HS3ST2: variants seen among roughly 807,000 people sequenced by gnomAD.
HS3ST2 encodes the protein heparan sulfate glucosamine 3-O-sulfotransferase 2.
Under a neutral mutation model 26.3 loss-of-function variants are expected in HS3ST2, and 17 were observed. The observed-to-expected ratio is 0.65, with a 90% CI of 0.44 to 0.97. The LOEUF is 0.97. HS3ST2 is among the 50% of genes least tolerant of loss of function. The probability of loss-of-function intolerance (pLI) is 0.00; values close to 1 mark genes in which losing one functional copy is unlikely to be tolerated. For synonymous variants in HS3ST2, 237 were observed against 219.2 expected (o/e 1.08, Z -0.72); for missense variants, 402 against 501.2 (o/e 0.80, Z 1.89).
chr16:22,843,625 C>T (rs191402263), intron 1 of HS3ST2, among the ~76,000 whole-genome samples: 1 of 152,260 alleles, frequency 6.6e-6, no homozygotes, highest in Non-Finnish European at 1.5e-5. Context: ...CTGGAAGGGT[C>T]CCGAGTGGAT....
rs1902472036 is a variant in HS3ST2 at position 22,914,853 on chromosome 16, C to T, written c.486-91C>T. 7.5e-6 allele frequency: 10 copies of T among 1,336,266 alleles called. No individual in the cohort carries two copies. In the East Asian group the frequency reaches 2.4e-4, roughly 31 times the overall value. 82.8% of individuals were successfully genotyped at this position (1,336,266 alleles called of 1,614,324 possible). ...AACAGAGGCCAGGAGGAGGATGCAA[C>T]AGGCCCCTGGGTGGAAGGGCTGATG... is the stretch of plus-strand genomic sequence containing the variant. On this transcript the variant is annotated intron_variant, in intron 1 of 1. Transcript: ENST00000261374.
At chr16:22,890,971 T>C (rs1028649194) in intron 1 of HS3ST2, among the ~76,000 whole-genome samples, 2 of 152,230 alleles carry the variant, frequency 1.3e-5, no homozygotes, top group African/African-American at 4.8e-5. Flanking sequence ...GGGCCAGAGT[T>C]TGCTGACATA....
intron 1 of HS3ST2, among the ~76,000 whole-genome samples, chr16:22,900,375 C>T (rs914078148): frequency 5.3e-5 from 8 of 152,240 alleles, no homozygotes; most frequent in Admixed American, 2.6e-4. Context: ...GAACATCTCA[C>T]GAGAGCAAGC....
At chr16:22,826,179 G>C (rs923728647) in intron 1 of HS3ST2, among the ~76,000 whole-genome samples, 14 of 152,134 alleles carry the variant, frequency 9.2e-5, no homozygotes, top group African/African-American at 3.1e-4. Context: ...GAAATTCAGC[G>C]GTCAGACTTA....
intron 1 of HS3ST2, among the ~76,000 whole-genome samples, chr16:22,825,080 G>C (rs1173969110): frequency 6.6e-6 from 1 of 152,184 alleles, no homozygotes; most frequent in Non-Finnish European, 1.5e-5. Flanking sequence ...ATGGAAGGCA[G>C]TTTCAGCATA....
intron 1 of HS3ST2, among the ~76,000 whole-genome samples, chr16:22,903,793 AG>A (rs958247434): frequency 6.8e-4 from 103 of 152,316 alleles, no homozygotes; most frequent in African/African-American, 2.5e-3. Context: ...GGGTGGATAA[AG>A]GAATAGGCTT....
chr16:22,907,916 T>C (rs1902376031), intron 1 of HS3ST2, among the ~76,000 whole-genome samples: 2 of 152,118 alleles, frequency 1.3e-5, no homozygotes, highest in African/African-American at 2.4e-5. Flanking sequence ...GGTGGATGGA[T>C]TGCTTGAGCC....
chr16:22,825,325 A>C (rs955623914), intron 1 of HS3ST2, among the ~76,000 whole-genome samples: 2 of 152,216 alleles, frequency 1.3e-5, no homozygotes, highest in Non-Finnish European at 2.9e-5. Flanking sequence ...AAAGCCTGTT[A>C]GTTGTCATTA....
chr16:22,815,035 C>T lies in HS3ST2; in HGVS notation c.425C>T (p.Ala142Val). Residue 142 changes from alanine to valine, a missense_variant, in exon 1 of 2, where the codon GCC becomes GTC. Around this residue, in one of 2 missense-constraint regions of HS3ST2, gnomAD observed 237 missense variants for 346.6 expected, o/e 0.68. Transcript: ENST00000261374. Reference protein sequence around the residue: ...EFIRVHPDVRALGTEPHFFDR... With the variant: ...EFIRVHPDVRVLGTEPHFFDR... ...ATCCGAGTACACCCGGACGTGCGGG[C>T]CTTGGGCACGGAACCCCACTTCTTT... The T allele has an allele frequency of 6.2e-7, 1 of 1,613,146 alleles. No homozygotes were observed. The highest frequency in any genetic ancestry group is 8.5e-7 in the Non-Finnish European group (1 of 1,180,028).
intron 1 of HS3ST2, among the ~76,000 whole-genome samples, chr16:22,904,048 T>A (rs1420561738): frequency 6.6e-6 from 1 of 152,178 alleles, no homozygotes; most frequent in Admixed American, 6.5e-5. Context: ...AGATACCAGC[T>A]ATTTACAGGA....
At chr16:22,859,117 G>C (rs756212309) in intron 1 of HS3ST2, among the ~76,000 whole-genome samples, 5 of 152,190 alleles carry the variant, frequency 3.3e-5, no homozygotes, top group Admixed American at 6.5e-5. Context: ...AGTGAGCTAT[G>C]ATCGTGCCAC....
intron 1 of HS3ST2, among the ~76,000 whole-genome samples, chr16:22,841,078 C>G (rs1370322304): frequency 6.0e-5 from 9 of 149,614 alleles, no homozygotes; most frequent in Admixed American, 2.0e-4. Context: ...GGTTTTTTGT[C>G]CTTGTGAGGG....
At chr16:22,911,771 C>A (rs569824040) in intron 1 of HS3ST2, among the ~76,000 whole-genome samples, 1 of 152,182 alleles carries the variant, frequency 6.6e-6, no homozygotes, top group East Asian at 1.9e-4. Context: ...ATCTCATATG[C>A]AAGTCCTTAA....
intron 1 of HS3ST2, among the ~76,000 whole-genome samples, chr16:22,872,064 C>A (rs550910470): frequency 3.3e-5 from 5 of 152,236 alleles, no homozygotes; most frequent in Admixed American, 1.3e-4. Context: ...ACTTTAGATA[C>A]CCAACGAGCC....
At chr16:22,834,743 G>A (rs1901228249) in intron 1 of HS3ST2, among the ~76,000 whole-genome samples, 1 of 139,328 alleles carries the variant, frequency 7.2e-6, no homozygotes, top group African/African-American at 2.6e-5. Flanking sequence ...TAGAGCTGAA[G>A]CATTTATACT....
intron 1 of HS3ST2, among the ~76,000 whole-genome samples, 181 bp from the exon 2 acceptor site, chr16:22,914,763 A>AG (rs1555515336): frequency 8.4e-6 from 1 of 118,690 alleles, no homozygotes; most frequent in Non-Finnish European, 1.8e-5. Context: ...AAAAAAAAAA[A>AG]AGAGAAGAAA....
intron 1 of HS3ST2, among the ~76,000 whole-genome samples, chr16:22,886,729 A>G (rs1352060315): frequency 2.0e-5 from 3 of 151,552 alleles, no homozygotes; most frequent in Non-Finnish European, 4.4e-5. Context: ...TATACTTCAC[A>G]TTTTTAGTGT....
chr16:22,880,784 T>G (rs1397188158), intron 1 of HS3ST2, among the ~76,000 whole-genome samples: 1 of 152,216 alleles, frequency 6.6e-6, no homozygotes, highest in African/African-American at 2.4e-5. Context: ...CTATGGACTC[T>G]GGTAGAAATA....
chr16:22,842,062 C>CTTTTTT (rs11285807), intron 1 of HS3ST2, among the ~76,000 whole-genome samples: 6 of 111,792 alleles, frequency 5.4e-5, no homozygotes, highest in Non-Finnish European at 5.3e-5. Flanking sequence ...TCTTTTCTTT[C>CTTTTTT]TTTTTTTTTT....
Sources: gnomAD v4.1 joint callset for allele counts (sites outside exome capture counted in the v4.1 genomes callset) on GRCh38, gnomAD v4.1.1 for gene constraint, gnomAD v4.1.1 regional missense constraint, MANE v1.5 for transcripts, NCBI Gene and HGNC (gene_info 2026-07-23, HGNC 2026-07-21) for gene names.